The following IDNK variants were observed in gnomAD, a reference collection of about 807,000 sequenced individuals.
IDNK encodes gluconokinase.
In IDNK, 9 loss-of-function variants were observed where a neutral mutation model predicts 13.0. The observed-to-expected ratio is 0.69, with a 90% CI of 0.42 to 1.21. IDNK has a LOEUF of 1.21. Ranked by LOEUF, IDNK falls within the 50% of genes most tolerant of loss-of-function variation. IDNK has a pLI of 0.00. For synonymous variants in IDNK, 92 were observed against 94.9 expected, an observed-to-expected ratio of 0.97 and a Z score of 0.18; for missense variants, 210 against 237.8, an observed-to-expected ratio of 0.88 and a Z score of 0.77.
At chr9:83,631,452 A>G (rs915395079) in intron 3 of IDNK, among the ~76,000 whole-genome samples, 6 of 38,854 alleles carry the variant, frequency 1.5e-4, no homozygotes, top group Non-Finnish European at 3.1e-4. Context: ...ACAAAAACTG[A>G]AAAAAAAAAA....
At chr9:83,632,199 G>A (rs906416120) in intron 3 of IDNK, among the ~76,000 whole-genome samples, 5 of 151,750 alleles carry the variant, frequency 3.3e-5, no homozygotes, top group Non-Finnish European at 7.4e-5. Context: ...CCATCTCCCC[G>A]CCATTCCCAC....
intron 1 of IDNK, among the ~76,000 whole-genome samples, chr9:83,625,066 G>C (rs1830813354): frequency 6.6e-6 from 1 of 152,200 alleles, no homozygotes; most frequent in African/African-American, 2.4e-5. Flanking sequence ...GCTGAGTGAG[G>C]GGAAGCATGA....
chr9:83,633,105 C>T (rs920096444), intron 3 of IDNK, among the ~76,000 whole-genome samples: 3 of 151,758 alleles, frequency 2.0e-5, no homozygotes, highest in Non-Finnish European at 4.4e-5. Context: ...TTTGGGAGGC[C>T]GAGGCGGGCA....
intron 1 of IDNK, chr9:83,626,917 C>CT (rs1830868160): frequency 1.1e-6 from 1 of 901,910 alleles, no homozygotes; most frequent in African/African-American, 1.8e-5. Context: ...ACAACTGTGT[C>CT]TAACACCTCT....
At chr9:83,636,792 A>C (rs756161912) in intron 3 of IDNK, among the ~76,000 whole-genome samples, 3 of 152,260 alleles carry the variant, frequency 2.0e-5, no homozygotes, top group Admixed American at 6.5e-5. Context: ...AGAAATTATG[A>C]GTAAGGATAC....
chr9:83,639,146 C>T lies in IDNK; in HGVS notation c.169-2402C>T, dbSNP rs151203611. Among the ~76,000 whole-genome samples, 124 of 152,032 alleles carry T rather than the reference C, an allele frequency of 8.2e-4. 1 individual carries two copies. The highest frequency in any genetic ancestry group is 2.8e-3 in the African/African-American group (118 of 41,472). On this transcript the variant is annotated intron_variant, in intron 3 of 4. Coordinates refer to ENST00000376419, the MANE Select transcript of IDNK (RefSeq NM_001001551.4). Reference sequence around the variant, plus strand: ...CAATAATAAAAATGCACACACATCACCAAAATGGTTGGGAACTCTAAAAAT... The same window carrying T: ...CAATAATAAAAATGCACACACATCATCAAAATGGTTGGGAACTCTAAAAAT...
At chr9:83,643,004 G>A (rs1041707088) in intron 4 of IDNK, among the ~76,000 whole-genome samples, 4 of 152,198 alleles carry the variant, frequency 2.6e-5, no homozygotes, top group Non-Finnish European at 5.9e-5. Context: ...ATCCTGCAGA[G>A]GACCTGAGCT....
chr9:83,633,533 C>G (rs2780971), intron 3 of IDNK, among the ~76,000 whole-genome samples: 19,743 of 152,210 alleles, frequency 0.13, 1,613 homozygotes, highest in Middle Eastern at 0.26. Flanking sequence ...GTGCTTTGCA[C>G]CACATTTAAT....
At chr9:83,637,672 C>G (rs1479212785) in intron 3 of IDNK, among the ~76,000 whole-genome samples, 1 of 152,210 alleles carries the variant, frequency 6.6e-6, no homozygotes, top group East Asian at 1.9e-4. Flanking sequence ...CCCACTCCCC[C>G]ACATTTTTTG....
At chr9:83,633,337 T>A (rs1383424052) in intron 3 of IDNK, among the ~76,000 whole-genome samples, 1 of 152,070 alleles carries the variant, frequency 6.6e-6, no homozygotes, top group African/African-American at 2.4e-5. Flanking sequence ...AGACTACATC[T>A]CAAAAATAAA....
intron 3 of IDNK, among the ~76,000 whole-genome samples, chr9:83,632,274 T>C (rs895258305): frequency 2.6e-5 from 4 of 152,140 alleles, no homozygotes; most frequent in Non-Finnish European, 4.4e-5. Flanking sequence ...TCTTTACCCA[T>C]CATCCCCTTC....
intron 3 of IDNK, among the ~76,000 whole-genome samples, chr9:83,634,511 C>T (rs1831113224): frequency 6.6e-6 from 1 of 152,142 alleles, no homozygotes; most frequent in Admixed American, 6.6e-5. Flanking sequence ...AGATAGAAAA[C>T]TTATTACCCA....
At chr9:83,642,529 A>C (rs986412798) in intron 4 of IDNK, among the ~76,000 whole-genome samples, 2 of 148,448 alleles carry the variant, frequency 1.3e-5, no homozygotes, top group Non-Finnish European at 3.0e-5. Context: ...GTATGGCTTC[A>C]TTTTTATATT....
At chr9:83,633,185 C>T (rs1423695184) in intron 3 of IDNK, among the ~76,000 whole-genome samples, 1 of 151,930 alleles carries the variant, frequency 6.6e-6, no homozygotes, top group Admixed American at 6.6e-5. Context: ...TAAAAATACA[C>T]AAAATTAGCC....
rs1830909370 is a variant in IDNK at position 83,628,074 on chromosome 9, T to A, written c.51-107T>A. On this transcript the variant is annotated intron_variant, in intron 1 of 4. Coordinates refer to ENST00000376419, the MANE Select transcript of IDNK (RefSeq NM_001001551.4). ...TTTAGGATTACACAGTGATTGGTGT[T>A]TAAATTCCTGCTAAGGCAGCCATCC... 7 of 1,529,582 alleles carry A rather than the reference T, an allele frequency of 4.6e-6. 1 individual carries two copies. Among genetic ancestry groups the A allele is most frequent in the Non-Finnish European group, 5.3e-6 (6 of 1,136,076 alleles). The allele number at this position is 1,529,582 out of a possible 1,614,324, so 94.8% of individuals were successfully genotyped here. A position where few individuals can be genotyped will look rare whatever the true frequency, so the allele number is the denominator to read the frequency against.
At chr9:83,627,698 C>T (rs553342451) in intron 1 of IDNK, among the ~76,000 whole-genome samples, 5 of 152,196 alleles carry the variant, frequency 3.3e-5, no homozygotes, top group Middle Eastern at 3.4e-3. Flanking sequence ...CTTTATTTTA[C>T]GAGTGTGTCT....
At chr9:83,636,631 A>C (rs1454428998) in intron 3 of IDNK, among the ~76,000 whole-genome samples, 1 of 152,202 alleles carries the variant, frequency 6.6e-6, no homozygotes, top group East Asian at 1.9e-4. Flanking sequence ...CATATATTCT[A>C]ACATTAATAA....
In IDNK at chr9:83,641,605, A is replaced by AAT; in HGVS notation, c.212+14_212+15insAT. 2 of 1,613,852 alleles carry AAT rather than the reference A, an allele frequency of 1.2e-6. No homozygotes were observed. The highest frequency in any genetic ancestry group is 1.7e-6 in the Non-Finnish European group (2 of 1,179,810). ...CATTTTACTAAGGTAAGAGACCACC[A>AAT]GGCCTTGGCATAAGCCAAAGCCAGC... On this transcript the variant is annotated intron_variant, in intron 4 of 4. Transcript: ENST00000376419.
Position 83,641,608 on chromosome 9 carries a change from C to CT in IDNK, c.212+17_212+18insT. 1.2e-6 allele frequency: 2 copies of CT among 1,613,524 alleles called. No homozygotes were observed. The highest frequency in any genetic ancestry group is 1.7e-6 in the Non-Finnish European group (2 of 1,179,604). On this transcript the variant is annotated intron_variant, in intron 4 of 4. Transcript: ENST00000376419. ...TTTACTAAGGTAAGAGACCACCAGGCCTTGGCATAAGCCAAAGCCAGCAGG... is the reference window on the plus strand; with the variant it reads ...TTTACTAAGGTAAGAGACCACCAGGCTCTTGGCATAAGCCAAAGCCAGCAGG...
Sources: gnomAD v4.1 joint callset for allele counts (sites outside exome capture counted in the v4.1 genomes callset) on GRCh38, gnomAD v4.1.1 for gene constraint, MANE v1.5 for transcripts, NCBI Gene and HGNC (gene_info 2026-07-23, HGNC 2026-07-21) for gene names.